The following RNF13 variants were observed in gnomAD, a reference collection of about 807,000 sequenced individuals.
RNF13 encodes the protein ring finger protein 13.
A neutral mutation model predicts 37.7 loss-of-function variants in RNF13; 19 were observed. The ratio of observed to expected loss-of-function variants is 0.50; its 90% CI spans 0.35 to 0.74. The LOEUF (loss-of-function observed/expected upper bound fraction) is 0.74, where lower values mean the gene tolerates loss of function less well. RNF13 is among the 30% of genes least tolerant of loss of function. RNF13 has a pLI of 0.01. For synonymous variants in RNF13, 144 were observed against 157.8 expected (o/e 0.91, Z 0.65); for missense variants, 375 against 453.0 (o/e 0.83, Z 1.56).
chr3:149,914,803 T>C (rs1717339590), intron 7 of RNF13, among the ~76,000 whole-genome samples: 1 of 152,008 alleles, frequency 6.6e-6, no homozygotes, highest in Non-Finnish European at 1.5e-5. Flanking sequence ...CTGGGTGTGG[T>C]GGCAGGCGTC....
At chr3:149,837,604 C>T (rs1721755080) in intron 1 of RNF13, among the ~76,000 whole-genome samples, 1 of 152,130 alleles carries the variant, frequency 6.6e-6, no homozygotes. Context: ...GGGCAACTCT[C>T]CTTTATAAAT....
At chr3:149,951,118 G>C (rs532183762) in intron 8 of RNF13, among the ~76,000 whole-genome samples, 2 of 152,156 alleles carry the variant, frequency 1.3e-5, no homozygotes, top group African/African-American at 4.8e-5. Context: ...TGGGTCCCCT[G>C]GAAGTGTTTT....
chr3:149,831,488 AC>A (rs1316357816), intron 1 of RNF13, among the ~76,000 whole-genome samples: 5 of 151,792 alleles, frequency 3.3e-5, no homozygotes, highest in African/African-American at 1.2e-4. Flanking sequence ...TGGACTCTGT[AC>A]CCCCCTTGTT....
chr3:149,909,442 AT>A (rs35918938), intron 6 of RNF13, among the ~76,000 whole-genome samples: 43 of 114,418 alleles, frequency 3.8e-4, no homozygotes, highest in Admixed American at 7.7e-4. Context: ...TGCCTGGTTA[AT>A]TTTTTTTTTT....
At chr3:149,869,401 C>T (rs1037532214) in intron 3 of RNF13, among the ~76,000 whole-genome samples, 4 of 151,390 alleles carry the variant, frequency 2.6e-5, no homozygotes, top group South Asian at 2.1e-4. Flanking sequence ...GTCAGGAGAT[C>T]GAGACCATCC....
chr3:149,836,709 A>G (rs1359426568), intron 1 of RNF13, among the ~76,000 whole-genome samples: 1 of 152,172 alleles, frequency 6.6e-6, no homozygotes, highest in South Asian at 2.1e-4. Flanking sequence ...GCAGGAACTC[A>G]GTTATTTTTT....
At chr3:149,842,275 C>T (rs964893126) in intron 1 of RNF13, among the ~76,000 whole-genome samples, 2 of 152,184 alleles carry the variant, frequency 1.3e-5, no homozygotes, top group Non-Finnish European at 2.9e-5. Flanking sequence ...GACTGTTCCA[C>T]AAATACTAAG....
At chr3:149,864,821 T>C (rs1449251299) in intron 3 of RNF13, among the ~76,000 whole-genome samples, 2 of 152,186 alleles carry the variant, frequency 1.3e-5, no homozygotes, top group Non-Finnish European at 2.9e-5. Flanking sequence ...CTTAAATCTC[T>C]CCATATCAGC....
At chr3:149,900,937 A>G (rs1394151334) in intron 5 of RNF13, among the ~76,000 whole-genome samples, 2 of 152,130 alleles carry the variant, frequency 1.3e-5, no homozygotes, top group Admixed American at 6.5e-5. Context: ...TTACTCTACC[A>G]AGGATATCAA....
intron 8 of RNF13, among the ~76,000 whole-genome samples, chr3:149,953,395 T>C (rs181055951): frequency 1.3e-5 from 2 of 152,334 alleles, no homozygotes; most frequent in African/African-American, 4.8e-5. Context: ...AGTTGCAGAA[T>C]ATTATCTGCT....
At chr3:149,835,813 C>T (rs1276696449) in intron 1 of RNF13, among the ~76,000 whole-genome samples, 1 of 151,508 alleles carries the variant, frequency 6.6e-6, no homozygotes, top group East Asian at 1.9e-4. Context: ...TGACTTTTCT[C>T]CTGGGTTGGG....
intron 7 of RNF13, chr3:149,917,361 A>C (rs1233122210): frequency 6.6e-6 from 1 of 152,206 alleles, no homozygotes; most frequent in Non-Finnish European, 1.5e-5. Flanking sequence ...TTGCTCAATA[A>C]AAAATTCTGT....
At chr3:149,850,200 G>A (rs1723004957) in intron 2 of RNF13, among the ~76,000 whole-genome samples, 1 of 152,048 alleles carries the variant, frequency 6.6e-6, no homozygotes, top group Admixed American at 6.6e-5. Flanking sequence ...GGCTGGTCTT[G>A]AACTCCTGAC....
At chr3:149,940,943 C>G (rs1454873396) in intron 8 of RNF13, among the ~76,000 whole-genome samples, 1 of 152,146 alleles carries the variant, frequency 6.6e-6, no homozygotes, top group African/African-American at 2.4e-5. Flanking sequence ...TGGACTGATA[C>G]AGTATTTGTC....
chr3:149,871,065 G>A (rs944739003), intron 3 of RNF13, among the ~76,000 whole-genome samples: 5 of 138,260 alleles, frequency 3.6e-5, no homozygotes, highest in African/African-American at 1.1e-4. Flanking sequence ...TTTCCGAGAC[G>A]GAGTTTCGCT....
chr3:149,949,381 T>C (rs1273536245), intron 8 of RNF13, among the ~76,000 whole-genome samples: 2 of 151,840 alleles, frequency 1.3e-5, no homozygotes, highest in Admixed American at 1.3e-4. Context: ...GGGTTTCTGC[T>C]AAGTCTGCTG....
chr3:149,924,830 T>C (rs977485562), intron 8 of RNF13, among the ~76,000 whole-genome samples: 1 of 152,050 alleles, frequency 6.6e-6, no homozygotes, highest in South Asian at 2.1e-4. Flanking sequence ...CTAAAGGAAA[T>C]TGATGTAGGT....
intron 8 of RNF13, among the ~76,000 whole-genome samples, chr3:149,955,263 A>AT (rs1576601886): frequency 1.3e-5 from 2 of 151,604 alleles, no homozygotes; most frequent in Non-Finnish European, 2.9e-5. Context: ...AATTTTTATA[A>AT]TTTTTTTAAA....
At chr3:149,925,569 A>G (rs1718554636) in intron 8 of RNF13, among the ~76,000 whole-genome samples, 1 of 152,126 alleles carries the variant, frequency 6.6e-6, no homozygotes. Flanking sequence ...TAGTTCATTT[A>G]CTTTCATTCT....
Sources: allele counts gnomAD v4.1 joint callset (sites outside exome capture counted in the v4.1 genomes callset), GRCh38; gene constraint gnomAD v4.1.1; transcripts MANE v1.5; gene names NCBI Gene and HGNC (gene_info 2026-07-23, HGNC 2026-07-21).